The following TTLL5 variants were observed in gnomAD, a reference collection of about 807,000 sequenced individuals.
TTLL5 encodes the protein tubulin polyglutamylase TTLL5.
TTLL5 carries 132 observed loss-of-function variants against 168.4 expected under a neutral mutation model. The ratio of observed to expected loss-of-function variants is 0.78; its 90% CI spans 0.68 to 0.91. The LOEUF is 0.91. Ranked by LOEUF, TTLL5 falls within the 40% of genes least tolerant of loss-of-function variation. The probability of loss-of-function intolerance (pLI) is 0.00; values close to 1 mark genes in which losing one functional copy is unlikely to be tolerated. For missense variants in TTLL5, 1,545 were observed against 1,581.5 expected (o/e 0.98, Z 0.39); for synonymous variants, 546 against 558.6 (o/e 0.98, Z 0.32).
chr14:75,809,334 C>T (rs1472215859), intron 27 of TTLL5, among the ~76,000 whole-genome samples: 1 of 152,072 alleles, frequency 6.6e-6, no homozygotes, highest in Non-Finnish European at 1.5e-5. Flanking sequence ...ATAATTTGGC[C>T]CAAACTCCAA....
intron 28 of TTLL5, among the ~76,000 whole-genome samples, chr14:75,842,422 G>C (rs1896311194): frequency 6.6e-6 from 1 of 152,126 alleles, no homozygotes; most frequent in Non-Finnish European, 1.5e-5. Context: ...GAGGGTAAAG[G>C]GTTCTCCGTG....
At chr14:75,720,871 T>C (rs1887791700) in intron 12 of TTLL5, among the ~76,000 whole-genome samples, 168 bp downstream of exon 12, 1 of 152,198 alleles carries the variant, frequency 6.6e-6, no homozygotes, top group Non-Finnish European at 1.5e-5. Context: ...AGGCCAATAG[T>C]GAGCTTGGTC....
rs1413829855 is a variant in TTLL5 at position 75,935,537 on chromosome 14, A to G, written c.3824-18887A>G. 2.0e-5 allele frequency among the ~76,000 whole-genome samples: 3 copies of G among 152,166 alleles called. No homozygotes were observed. In the East Asian group the frequency reaches 5.8e-4, roughly 29 times the overall value. Reference sequence around the variant, plus strand: ...ACAAGTTGTGAAACTAGAGAGTGAGATGGATGGTGGGAGGATCCCACAAGA... The same window carrying G: ...ACAAGTTGTGAAACTAGAGAGTGAGGTGGATGGTGGGAGGATCCCACAAGA... On this transcript the variant is annotated intron_variant, in intron 31 of 31. Coordinates refer to ENST00000298832, the MANE Select transcript of TTLL5 (RefSeq NM_015072.5).
At chr14:75,902,037 C>A in intron 30 of TTLL5, 105 bp from the exon 31 acceptor site, 1 of 921,616 alleles carries the variant, frequency 1.1e-6, no homozygotes, top group Non-Finnish European at 1.8e-6. Flanking sequence ...AGTGAATGAG[C>A]CACAGGAGAA....
chr14:75,807,878 T>G (rs991481965), intron 27 of TTLL5, among the ~76,000 whole-genome samples: 2 of 152,230 alleles, frequency 1.3e-5, no homozygotes, highest in Non-Finnish European at 2.9e-5. Flanking sequence ...AACTTTGTTT[T>G]CTTGATTTGA....
At chr14:75,893,928 A>G (rs1020389825) in intron 30 of TTLL5, among the ~76,000 whole-genome samples, 1 of 152,182 alleles carries the variant, frequency 6.6e-6, no homozygotes, top group Non-Finnish European at 1.5e-5. Flanking sequence ...GTATAGAGAT[A>G]GAAGTGAATC....
chr14:75,814,305 A>C (rs535670988), intron 27 of TTLL5, among the ~76,000 whole-genome samples: 11 of 152,280 alleles, frequency 7.2e-5, no homozygotes, highest in African/African-American at 2.6e-4. Context: ...ATTATTTAGC[A>C]ATGAAATGTT....
intron 24 of TTLL5, among the ~76,000 whole-genome samples, chr14:75,779,909 A>G (rs1891948217): frequency 1.3e-5 from 2 of 152,052 alleles, no homozygotes; most frequent in African/African-American, 2.4e-5. Context: ...TTTTTTCAAG[A>G]TAATTAACAG....
At chr14:75,906,640 G>A in intron 31 of TTLL5, 5 of 985,900 alleles carry the variant, frequency 5.1e-6, no homozygotes, top group Non-Finnish European at 4.8e-6. Context: ...TTATAGGACA[G>A]AGAAAATCAA....
chr14:75,730,631 G>C (rs1888471039), intron 12 of TTLL5, among the ~76,000 whole-genome samples: 1 of 152,176 alleles, frequency 6.6e-6, no homozygotes, highest in Non-Finnish European at 1.5e-5. Flanking sequence ...TAATAAAGAG[G>C]CTAAAGGAAA....
At position 75,724,423 on chromosome 14, in the gene TTLL5, G is replaced by GAT. The variant is rs148278132; in HGVS notation, c.1042+3730_1042+3731dup. Among the ~76,000 whole-genome samples the GAT allele has an allele frequency of 8.5e-3, 1,290 of 152,118 alleles. 17 individuals are homozygous for GAT. The highest frequency in any genetic ancestry group is 0.029 in the African/African-American group (1,221 of 41,458). On this transcript the variant is annotated intron_variant, in intron 12 of 31. Coordinates refer to ENST00000298832, the MANE Select transcript of TTLL5 (RefSeq NM_015072.5). ...TTATGTAGGATGAGATACAGATATA[G>GAT]ATATATATATACCTCCATTGCACTA... is the stretch of plus-strand genomic sequence containing the variant.
At chr14:75,773,973 G>GAGAA (rs1891554325) in intron 21 of TTLL5, among the ~76,000 whole-genome samples, 1 of 131,052 alleles carries the variant, frequency 7.6e-6, no homozygotes, top group African/African-American at 3.0e-5. Context: ...GAGAGAGAGA[G>GAGAA]AGAGAGAGAG....
intron 27 of TTLL5, among the ~76,000 whole-genome samples, chr14:75,813,307 TGTGTG>T (rs1894181041): frequency 1.6e-5 from 2 of 126,132 alleles, no homozygotes; most frequent in Non-Finnish European, 3.3e-5. Flanking sequence ...TGTGTGTGTG[TGTGTG>T]TGTGTTTGAG....
rs1392690357 is a variant in TTLL5 at position 75,904,075 on chromosome 14, A to T, written c.3823+1851A>T. On this transcript the variant is annotated intron_variant, in intron 31 of 31. Transcript: ENST00000298832. Reference sequence around the variant, plus strand: ...CCTTTTCTCTTTCCACTCCCTGCTCATGCCCCAGTTCCCAGCCACACTGAT... The same window carrying T: ...CCTTTTCTCTTTCCACTCCCTGCTCTTGCCCCAGTTCCCAGCCACACTGAT... The T allele has an allele frequency of 4.1e-6, 5 of 1,219,112 alleles. No individual in the cohort carries two copies. The East Asian group carries it at 3.1e-4, about 77-fold the overall frequency. 75.5% of individuals were successfully genotyped at this position (1,219,112 alleles called of 1,614,324 possible).
At chr14:75,793,149 A>G (rs1892816152) in intron 27 of TTLL5, 49 bp downstream of exon 27, 4 of 1,461,612 alleles carry the variant, frequency 2.7e-6, no homozygotes, top group Non-Finnish European at 3.7e-6. Flanking sequence ...TGAGGATAGA[A>G]TTAATGACAG....
chr14:75,769,532 C>A (rs1891155754), intron 20 of TTLL5, among the ~76,000 whole-genome samples: 1 of 152,094 alleles, frequency 6.6e-6, no homozygotes, highest in Non-Finnish European at 1.5e-5. Flanking sequence ...GAAATGGAAA[C>A]CTCAATATTT....
intron 21 of TTLL5, among the ~76,000 whole-genome samples, chr14:75,773,959 G>GAGACAGAGAGAC: frequency 2.9e-5 from 1 of 34,194 alleles, no homozygotes; most frequent in East Asian, 8.7e-4. Context: ...GAGAGAGAAA[G>GAGACAGAGAGAC]AGAGAGAGAG....
rs569627236 is a variant in TTLL5 at position 75,700,470 on chromosome 14, G to A, written c.585+1200G>A. On this transcript the variant is annotated intron_variant, in intron 7 of 31. Transcript: ENST00000298832. ...AGGCAAAAACACTTCAAATGAGCAC[G>A]TGCACAGCTGCAGCCAACACACTGT... 2.0e-5 allele frequency among the ~76,000 whole-genome samples: 3 copies of A among 152,152 alleles called. No homozygotes were observed. The South Asian group carries it at 6.2e-4, about 32-fold the overall frequency.
At chr14:75,730,107 TG>T (rs1479709063) in intron 12 of TTLL5, among the ~76,000 whole-genome samples, 2 of 152,254 alleles carry the variant, frequency 1.3e-5, no homozygotes, top group African/African-American at 4.8e-5. Context: ...TTGAATCCTG[TG>T]CTTCAGCTTT....
Sources: gnomAD v4.1 joint callset for allele counts (sites outside exome capture counted in the v4.1 genomes callset) on GRCh38, gnomAD v4.1.1 for gene constraint, MANE v1.5 for transcripts, NCBI Gene and HGNC (gene_info 2026-07-23, HGNC 2026-07-21) for gene names.